The following CEP85L variants were observed in gnomAD, a reference collection of about 807,000 sequenced individuals.
CEP85L encodes the protein centrosomal protein of 85 kDa-like.
Under a neutral mutation model 100.3 loss-of-function variants are expected in CEP85L, and 60 were observed. That is an observed-to-expected ratio of 0.60 (90% confidence interval 0.49 to 0.74). The LOEUF is 0.74. Ranked by LOEUF, CEP85L falls within the 30% of genes least tolerant of loss-of-function variation. The pLI is 0.00. For missense variants in CEP85L, 973 were observed against 936.2 expected (o/e 1.04, Z -0.51); for synonymous variants, 319 against 322.7 (o/e 0.99, Z 0.12).
At chr6:118,567,892 G>A (rs2115010327) in intron 2 of CEP85L, among the ~76,000 whole-genome samples, 1 of 152,294 alleles carries the variant, frequency 6.6e-6, no homozygotes, top group Admixed American at 6.5e-5. Flanking sequence ...TATTGTAGTG[G>A]ATAGTTATCA....
intron 2 of CEP85L, among the ~76,000 whole-genome samples, chr6:118,627,630 C>G (rs1342794997): frequency 2.6e-5 from 4 of 152,144 alleles, no homozygotes; most frequent in Admixed American, 2.0e-4. Context: ...AAAACGACCC[C>G]GTCATAGGGA....
At position 118,687,277 on chromosome 6, in the gene CEP85L, G is replaced by A. The variant is rs1776866952; in HGVS notation, c.-28+22759C>T. 2.0e-5 allele frequency among the ~76,000 whole-genome samples: 3 copies of A among 152,154 alleles called. No homozygotes were observed. The South Asian group carries it at 6.2e-4, about 31-fold the overall frequency. ...TTTCACTCTTGTCACCCAGGCTGGA[G>A]TGCAATGGCGTGATCTCAGCTCACT... On this transcript the variant is annotated intron_variant, in intron 1 of 13. Coordinates refer to the CEP85L transcript ENST00000368488.
chr6:118,567,237 GTGTGTGTGTGTGTATATATATA>G (rs1290710385), intron 2 of CEP85L, among the ~76,000 whole-genome samples: 7,850 of 86,006 alleles, frequency 0.091, 195 homozygotes, highest in Non-Finnish European at 0.099. Context: ...GTGTGTGTGT[GTGTGTGTGTGTGTATATATATA>G]TATATATATA....
intron 2 of CEP85L, among the ~76,000 whole-genome samples, chr6:118,577,473 T>C (rs1780311956): frequency 6.6e-6 from 1 of 152,200 alleles, no homozygotes; most frequent in Non-Finnish European, 1.5e-5. Flanking sequence ...GCCAAATGAA[T>C]TTAAAGCCCA....
intron 5 of CEP85L, 55 bp from the exon 6 acceptor site, chr6:118,491,920 G>T: frequency 7.3e-7 from 1 of 1,362,566 alleles, no homozygotes; most frequent in Non-Finnish European, 1.0e-6. Flanking sequence ...TTGAACAAAT[G>T]TGAAGAAATT....
At chr6:118,527,070 C>A (rs1375618313) in intron 3 of CEP85L, among the ~76,000 whole-genome samples, 2 of 134,480 alleles carry the variant, frequency 1.5e-5, no homozygotes, top group Admixed American at 8.4e-5. Context: ...GGCTGGAGTG[C>A]GATGGCGCGA....
At chr6:118,546,023 G>A (rs1778179814) in intron 3 of CEP85L, among the ~76,000 whole-genome samples, 1 of 132,740 alleles carries the variant, frequency 7.5e-6, no homozygotes, top group Non-Finnish European at 1.7e-5. Context: ...CTCTAGCTGA[G>A]GAATCATTGA....
chr6:118,608,142 T>A (rs1463588737), intron 2 of CEP85L, among the ~76,000 whole-genome samples: 1 of 152,256 alleles, frequency 6.6e-6, no homozygotes, highest in Non-Finnish European at 1.5e-5. Flanking sequence ...GTGTCTTTTT[T>A]ATTTTGCATC....
At chr6:118,542,908 A>AAAAAAAAAAAAAAAAAAAC (rs1777981421) in intron 3 of CEP85L, among the ~76,000 whole-genome samples, 1 of 146,374 alleles carries the variant, frequency 6.8e-6, no homozygotes, top group Non-Finnish European at 1.5e-5. Flanking sequence ...CCCAAAAAAA[A>AAAAAAAAAAAAAAAAAAAC]AAAAAAAAAA....
chr6:118,486,536 G>C (rs1774199776), intron 6 of CEP85L, among the ~76,000 whole-genome samples: 1 of 152,128 alleles, frequency 6.6e-6, no homozygotes, highest in East Asian at 1.9e-4. Context: ...AATGCCAAAA[G>C]AAACAATATG....
At chr6:118,698,148 GA>G (rs1253454619) in intron 1 of CEP85L, among the ~76,000 whole-genome samples, 4 of 152,182 alleles carry the variant, frequency 2.6e-5, no homozygotes, top group Non-Finnish European at 2.9e-5. Context: ...CACAAAATGA[GA>G]CATATGTTGC....
At chr6:118,709,920 A>G (rs950259842) in intron 1 of CEP85L, 1 of 152,164 alleles carries the variant, frequency 6.6e-6, no homozygotes, top group Non-Finnish European at 1.5e-5. Context: ...AATATTATCT[A>G]TAAAATAAGA....
At chr6:118,515,057 C>T (rs981785728) in intron 4 of CEP85L, among the ~76,000 whole-genome samples, 8 of 151,942 alleles carry the variant, frequency 5.3e-5, no homozygotes, top group African/African-American at 1.4e-4. Flanking sequence ...GTGATCTTCC[C>T]GCCTCAACTT....
intron 3 of CEP85L, among the ~76,000 whole-genome samples, chr6:118,549,543 C>T (rs1305748575): frequency 6.6e-6 from 1 of 151,688 alleles, no homozygotes; most frequent in Non-Finnish European, 1.5e-5. Flanking sequence ...AATTCTATTG[C>T]TCACTACAAA....
intron 2 of CEP85L, among the ~76,000 whole-genome samples, chr6:118,615,751 G>C (rs566592281): frequency 6.6e-6 from 1 of 152,084 alleles, no homozygotes; most frequent in Non-Finnish European, 1.5e-5. Flanking sequence ...CCTACATACC[G>C]ACCTACCAAA....
intron 2 of CEP85L, among the ~76,000 whole-genome samples, chr6:118,594,348 G>A (rs183534708): frequency 3.9e-5 from 6 of 152,056 alleles, no homozygotes; most frequent in Middle Eastern, 3.4e-3. Context: ...AGAGCCCTAC[G>A]ATTTCTCAGT....
intron 4 of CEP85L, among the ~76,000 whole-genome samples, chr6:118,517,687 A>G (rs1050467645): frequency 6.6e-6 from 1 of 152,214 alleles, no homozygotes; most frequent in Non-Finnish European, 1.5e-5. Context: ...CTGCAAACAG[A>G]GACAATTTGA....
chr6:118,618,169 C>A (rs983821710), intron 2 of CEP85L, among the ~76,000 whole-genome samples: 2 of 152,154 alleles, frequency 1.3e-5, no homozygotes, highest in Non-Finnish European at 2.9e-5. Context: ...GCTCCCACAG[C>A]ATGGGTTACT....
intron 6 of CEP85L, among the ~76,000 whole-genome samples, chr6:118,489,968 C>CGT (rs1329717623): frequency 1.3e-5 from 2 of 150,488 alleles, no homozygotes; most frequent in Non-Finnish European, 3.0e-5. Context: ...CACACACATA[C>CGT]GTGTGTGTAT....
Sources: allele counts gnomAD v4.1 joint callset (sites outside exome capture counted in the v4.1 genomes callset), GRCh38; gene constraint gnomAD v4.1.1; transcripts MANE v1.5; gene names NCBI Gene and HGNC (gene_info 2026-07-23, HGNC 2026-07-21).